The following UBR1 variants were observed in gnomAD, a reference collection of about 807,000 sequenced individuals.
UBR1 encodes the protein ubiquitin protein ligase E3 component n-recognin 1.
A neutral mutation model predicts 242.1 loss-of-function variants in UBR1; 102 were observed. The observed-to-expected ratio is 0.42, with a 90% CI of 0.36 to 0.50. The LOEUF (loss-of-function observed/expected upper bound fraction) is 0.50, where lower values mean the gene tolerates loss of function less well. Ranked by LOEUF, UBR1 falls within the 20% of genes least tolerant of loss-of-function variation. The probability of loss-of-function intolerance (pLI) is 0.01; values close to 1 mark genes in which losing one functional copy is unlikely to be tolerated. For synonymous variants in UBR1, 675 were observed against 684.8 expected, an observed-to-expected ratio of 0.99 and a Z score of 0.22; for missense variants, 1,772 against 2,101.8, an observed-to-expected ratio of 0.84 and a Z score of 3.07.
In UBR1 at chr15:42,963,741, G is replaced by C. The variant is rs184146760; in HGVS notation, c.4700+194C>G. On this transcript the variant is annotated intron_variant, in intron 42 of 46. Transcript: ENST00000290650. ...AATAAAATGAATGATAGTTATAGTG[G>C]AGCAAGCAGAAATTCCAACTGCCTA... is the stretch of plus-strand genomic sequence containing the variant. 6.3e-5 allele frequency among the ~76,000 whole-genome samples: 9 copies of C among 142,330 alleles called. No individual in the cohort carries two copies. The East Asian group carries it at 1.7e-3, about 26-fold the overall frequency. The allele number at this position is 142,330 out of a possible 152,430, so 93.4% of individuals were successfully genotyped here. A position where few individuals can be genotyped will look rare whatever the true frequency, so the allele number is the denominator to read the frequency against.
intron 40 of UBR1, among the ~76,000 whole-genome samples, chr15:42,968,917 C>T (rs1402072566): frequency 2.6e-5 from 4 of 152,104 alleles, no homozygotes; most frequent in Admixed American, 2.0e-4. Context: ...CAGTTTAACA[C>T]TGATAGGCAT....
chr15:42,985,028 A>G (rs2032438174), intron 35 of UBR1, 86 bp from the exon 36 acceptor site: 1 of 1,067,856 alleles, frequency 9.4e-7, no homozygotes, highest in African/African-American at 1.6e-5. Flanking sequence ...GTTCTTTAAT[A>G]ATATTTTTGA....
In UBR1 at chr15:43,024,929, T is replaced by C. The variant is rs1348382128; in HGVS notation, c.2639A>G (p.Asn880Ser). Reference protein sequence around the residue: ...EFCPAFSKVINLLNCDIMMYI... With the variant: ...EFCPAFSKVISLLNCDIMMYI... The stretch of plus-strand genomic sequence containing the variant: ...CATCATGATATCACAGTTGAGAAGG[T>C]TAATCACTTTGCTGAAAGCAGGGCA... Residue 880 changes from asparagine to serine, a missense_variant, in exon 25 of 47, where the codon AAC (asparagine) becomes AGC (serine). This residue lies in a region of UBR1 where 965 missense variants were observed against 1,079.7 expected (regional missense o/e 0.89). Transcript: ENST00000290650. 16 of 1,614,084 alleles carry C rather than the reference T, an allele frequency of 9.9e-6. No individual in the cohort carries two copies. Among genetic ancestry groups the C allele is most frequent in the Non-Finnish European group, 1.4e-5 (16 of 1,180,018 alleles).
At chr15:42,952,752 C>A (rs2031855346) in intron 44 of UBR1, among the ~76,000 whole-genome samples, 1 of 152,156 alleles carries the variant, frequency 6.6e-6, no homozygotes. Flanking sequence ...CACTGATAGA[C>A]TCCAGTCTTC....
chr15:43,054,731 G>A lies in UBR1; in HGVS notation c.1439+11C>T. ...AACAGGTGCCCTCACCTTTTGACTT[G>A]AACAACTTACTTTAGGTCACATATT... On this transcript the variant is annotated intron_variant, in intron 12 of 46. Coordinates refer to ENST00000290650, the MANE Select transcript of UBR1 (RefSeq NM_174916.3). 6.2e-7 allele frequency: 1 copy of A among 1,613,820 alleles called. No homozygotes were observed. The highest frequency in any genetic ancestry group is 8.5e-7 in the Non-Finnish European group (1 of 1,179,856).
intron 27 of UBR1, among the ~76,000 whole-genome samples, chr15:43,018,013 T>G (rs2033053670): frequency 6.6e-6 from 1 of 151,854 alleles, no homozygotes; most frequent in African/African-American, 2.4e-5. Flanking sequence ...TTGTTGTTTT[T>G]TTTTTTTTTA....
At chr15:42,984,140 C>T (rs2032424947) in intron 36 of UBR1, 147 bp from the exon 37 acceptor site, 8 of 510,268 alleles carry the variant, frequency 1.6e-5, no homozygotes, top group Admixed American at 3.7e-5. Flanking sequence ...AAATAAATTA[C>T]AATATTCTTA....
At chr15:42,966,046 G>A in intron 41 of UBR1, 107 bp downstream of exon 41, 1 of 1,509,740 alleles carries the variant, frequency 6.6e-7, no homozygotes, top group Non-Finnish European at 9.1e-7. Context: ...AAGAAATGGG[G>A]AGAGGAGAAG....
In UBR1 at chr15:42,960,256, A is replaced by C. The variant is rs577933028; in HGVS notation, c.4757+389T>G. On this transcript the variant is annotated intron_variant, in intron 43 of 46. Transcript: ENST00000290650. ...CAGGAAGGAAAAAGGATATAGTTCTATGTATATCTTGCTTTATTCTAACAA... is the reference window on the plus strand; with the variant it reads ...CAGGAAGGAAAAAGGATATAGTTCTCTGTATATCTTGCTTTATTCTAACAA... Among the ~76,000 whole-genome samples, 5 of 152,306 alleles carry C rather than the reference A, an allele frequency of 3.3e-5. 1 individual carries two copies. The South Asian group carries it at 1.0e-3, about 32-fold the overall frequency.
intron 3 of UBR1, among the ~76,000 whole-genome samples, chr15:43,076,022 C>T (rs377220005): frequency 4.6e-5 from 7 of 152,052 alleles, no homozygotes; most frequent in African/African-American, 1.4e-4. Flanking sequence ...CCTCTGATGC[C>T]GAGCCAAAGC....
Position 42,943,626 on chromosome 15 carries a change from C to T in UBR1, c.*1703G>A, listed in dbSNP as rs1374424665. 1 of 152,194 alleles carries T rather than the reference C, an allele frequency of 6.6e-6. No individual in the cohort carries two copies. Among genetic ancestry groups the T allele is most frequent in the African/African-American group, 2.4e-5 (1 of 41,434 alleles). The allele number at this position is 152,194 out of a possible 1,614,324, so 9.4% of individuals were successfully genotyped here. A position where few individuals can be genotyped will look rare whatever the true frequency, so the allele number is the denominator to read the frequency against. ...TTATCTTTGCTAAATTGGGGCCCATCTATTAGGGTAGAAGTCAGTATCTTC... is the reference window on the plus strand; with the variant it reads ...TTATCTTTGCTAAATTGGGGCCCATTTATTAGGGTAGAAGTCAGTATCTTC... On this transcript the variant is annotated 3_prime_UTR_variant, in exon 47 of 47. Coordinates refer to ENST00000290650, the MANE Select transcript of UBR1 (RefSeq NM_174916.3).
chr15:43,038,203 C>A lies in UBR1; in HGVS notation c.1879G>T (p.Ala627Ser). 1 of 1,614,074 alleles carries A rather than the reference C, an allele frequency of 6.2e-7. No homozygotes were observed. The highest frequency in any genetic ancestry group is 8.5e-7 in the Non-Finnish European group (1 of 1,179,998). Residue 627 changes from alanine to serine, a missense_variant, in exon 16 of 47, where the codon GCT becomes TCT. Around this residue, in one of 3 missense-constraint regions of UBR1, gnomAD observed 734 missense variants for 893.3 expected, o/e 0.82. Transcript: ENST00000290650. ...GLHVRLSRLG[A>S]VSRLHEFVSF... The stretch of plus-strand genomic sequence containing the variant: ...ACAAATTCATGCAGTCTTGAAACAG[C>A]ACCCAGCCTGCTTAAACGTACATGA...
At position 43,092,057 on chromosome 15, in the gene UBR1, C is replaced by T. The variant is rs975513225; in HGVS notation, c.82-5817G>A. On this transcript the variant is annotated intron_variant, in intron 1 of 46. Transcript: ENST00000290650. ...GGAGATCATGCCACTGCACTCCAGC[C>T]TGGGCAACACAGTGAGACCCCATCT... 4.0e-5 allele frequency: 18 copies of T among 449,938 alleles called. No homozygotes were observed. In the Admixed American group the frequency reaches 4.4e-4, roughly 11 times the overall value. The allele number at this position is 449,938 out of a possible 1,614,324, so 27.9% of individuals were successfully genotyped here. A position where few individuals can be genotyped will look rare whatever the true frequency, so the allele number is the denominator to read the frequency against.
chr15:42,979,633 CT>C (rs1221128247), intron 37 of UBR1, among the ~76,000 whole-genome samples: 1 of 152,184 alleles, frequency 6.6e-6, no homozygotes. Flanking sequence ...TCACTACAAC[CT>C]CCGCCTCCTC....
chr15:43,058,453 G>C (rs374119814), intron 9 of UBR1, 24 bp from the exon 10 acceptor site: 4 of 1,565,630 alleles, frequency 2.6e-6, no homozygotes, highest in Non-Finnish European at 3.5e-6. Flanking sequence ...TGGGGAGGGT[G>C]GGGGAATGAG....
intron 1 of UBR1, among the ~76,000 whole-genome samples, chr15:43,088,629 G>A (rs748014492): frequency 2.0e-5 from 3 of 151,706 alleles, no homozygotes; most frequent in Admixed American, 1.3e-4. Context: ...CCAAGTAGCT[G>A]GGTTTTCTAA....
At chr15:43,028,759 A>C (rs573280777) in intron 21 of UBR1, among the ~76,000 whole-genome samples, 1 of 150,088 alleles carries the variant, frequency 6.7e-6, no homozygotes, top group East Asian at 2.0e-4. Flanking sequence ...AAAAAAAAAA[A>C]CAAACAAACA....
At chr15:43,072,832 G>T (rs1172305159) in intron 4 of UBR1, among the ~76,000 whole-genome samples, 1 of 152,104 alleles carries the variant, frequency 6.6e-6, no homozygotes, top group Non-Finnish European at 1.5e-5. Context: ...GTTTTCAAAT[G>T]TTAAAACTAT....
Position 42,964,761 on chromosome 15 carries a change from A to G in UBR1, c.4592-718T>C, listed in dbSNP as rs114389040. ...TGTGACTACGTCAAACGAAGCCTTGACATTTATAACTTCTTCTATTTAGGA... is the reference window on the plus strand; with the variant it reads ...TGTGACTACGTCAAACGAAGCCTTGGCATTTATAACTTCTTCTATTTAGGA... On this transcript the variant is annotated intron_variant, in intron 41 of 46. Transcript: ENST00000290650. Among the ~76,000 whole-genome samples the G allele has an allele frequency of 5.1e-3, 771 of 152,260 alleles. 9 individuals are homozygous for G. Among genetic ancestry groups the G allele is most frequent in the African/African-American group, 0.018 (742 of 41,540 alleles).
Sources: gnomAD v4.1 joint callset for allele counts (sites outside exome capture counted in the v4.1 genomes callset) on GRCh38, gnomAD v4.1.1 for gene constraint, gnomAD v4.1.1 regional missense constraint, MANE v1.5 for transcripts, NCBI Gene and HGNC (gene_info 2026-07-23, HGNC 2026-07-21) for gene names.